The following CDH12 variants were observed in gnomAD, a reference collection of about 807,000 sequenced individuals.
The protein encoded by CDH12 is cadherin 12.
In CDH12, 41 loss-of-function variants were observed where a neutral mutation model predicts 74.1. That is an observed-to-expected ratio of 0.55 (90% CI 0.43 to 0.72). CDH12 has a LOEUF of 0.72. Among genes scored for constraint, CDH12 ranks in the 30% least tolerant of loss-of-function variants. The pLI is 0.00. For synonymous variants in CDH12, 399 were observed against 355.0 expected (o/e 1.12, Z -1.39); for missense variants, 945 against 977.2 (o/e 0.97, Z 0.44).
chr5:22,757,943 G>C (rs972943636), intron 1 of CDH12, among the ~76,000 whole-genome samples: 7 of 152,158 alleles, frequency 4.6e-5, no homozygotes, highest in African/African-American at 1.4e-4. Flanking sequence ...AAGTGGGGAG[G>C]GGTATAGAAA....
intron 3 of CDH12, among the ~76,000 whole-genome samples, chr5:22,315,119 C>CATT (rs565487368): frequency 4.3e-5 from 1 of 22,994 alleles, no homozygotes; most frequent in African/African-American, 2.2e-4. Context: ...GCCTGCCTGG[C>CATT]TTTTTTTTTT....
chr5:22,004,945 C>A (rs983921567), intron 5 of CDH12, among the ~76,000 whole-genome samples: 10 of 152,168 alleles, frequency 6.6e-5, no homozygotes, highest in Non-Finnish European at 1.2e-4. Context: ...TGGCCTCCAG[C>A]TCTATCTGTG....
intron 6 of CDH12, among the ~76,000 whole-genome samples, chr5:21,856,744 T>C (rs1420900836): frequency 1.3e-5 from 2 of 151,974 alleles, no homozygotes; most frequent in Non-Finnish European, 1.5e-5. Context: ...AAATACTTCA[T>C]TAATGCATCG....
intron 1 of CDH12, among the ~76,000 whole-genome samples, chr5:22,660,437 C>A (rs560085709): frequency 9.8e-5 from 15 of 152,318 alleles, no homozygotes; most frequent in Non-Finnish European, 1.9e-4. Context: ...CGTTTAATCT[C>A]TCTTATCGGT....
chr5:21,860,036 T>C (rs1243419682), intron 6 of CDH12, among the ~76,000 whole-genome samples: 1 of 151,678 alleles, frequency 6.6e-6, no homozygotes, highest in East Asian at 1.9e-4. Flanking sequence ...CATGACCTGC[T>C]GAGGTGCTTG....
chr5:21,834,145 T>C (rs1214934080), intron 8 of CDH12, among the ~76,000 whole-genome samples: 2 of 151,158 alleles, frequency 1.3e-5, no homozygotes, highest in East Asian at 1.9e-4. Flanking sequence ...TAGCTTTTTG[T>C]TTAACATTTT....
At chr5:22,559,496 T>C (rs887897345) in intron 1 of CDH12, among the ~76,000 whole-genome samples, 19 of 152,192 alleles carry the variant, frequency 1.2e-4, no homozygotes, top group African/African-American at 4.1e-4. Context: ...TACAAAATTA[T>C]GTAAGCCATT....
intron 8 of CDH12, among the ~76,000 whole-genome samples, chr5:21,841,559 G>C (rs1282500912): frequency 1.1e-4 from 17 of 148,442 alleles, no homozygotes; most frequent in East Asian, 6.0e-4. Flanking sequence ...ACATGCACAC[G>C]TATGTTTATT....
intron 5 of CDH12, among the ~76,000 whole-genome samples, chr5:22,038,256 C>A (rs1398191878): frequency 6.6e-6 from 1 of 152,148 alleles, no homozygotes; most frequent in East Asian, 1.9e-4. Context: ...TGGCCCAACA[C>A]CCCCAAGCTA....
At chr5:22,355,538 A>G (rs1009449777) in intron 3 of CDH12, among the ~76,000 whole-genome samples, 30 of 149,984 alleles carry the variant, frequency 2.0e-4, no homozygotes, top group East Asian at 7.8e-4. Context: ...ATATATATAT[A>G]TATAAAACTA....
At chr5:22,037,645 A>T (rs150033972) in intron 5 of CDH12, among the ~76,000 whole-genome samples, 1,668 of 152,322 alleles carry the variant, frequency 0.011, 31 homozygotes, top group African/African-American at 0.036. Context: ...GCTATAGGCA[A>T]CTAATGAACC....
At chr5:22,418,378 C>G (rs1743491040) in intron 2 of CDH12, among the ~76,000 whole-genome samples, 1 of 152,166 alleles carries the variant, frequency 6.6e-6, no homozygotes, top group Non-Finnish European at 1.5e-5. Context: ...AATATACAAT[C>G]ATGTCATCTG....
chr5:22,696,097 G>C (rs528287408), intron 1 of CDH12, among the ~76,000 whole-genome samples: 1 of 151,984 alleles, frequency 6.6e-6, no homozygotes, highest in South Asian at 2.1e-4. Flanking sequence ...AGCTGGGCGC[G>C]GTGGCTCATG....
intron 3 of CDH12, among the ~76,000 whole-genome samples, chr5:22,335,762 G>T (rs928830536): frequency 5.3e-5 from 8 of 151,974 alleles, no homozygotes; most frequent in African/African-American, 1.5e-4. Context: ...TTTGTAAATT[G>T]TCCAGTCTTG....
intron 1 of CDH12, among the ~76,000 whole-genome samples, chr5:22,848,205 A>G (rs577156021): frequency 4.9e-4 from 74 of 152,306 alleles, no homozygotes; most frequent in African/African-American, 1.7e-3. Context: ...TATGATGGCA[A>G]AACTTTCATC....
intron 5 of CDH12, among the ~76,000 whole-genome samples, chr5:22,070,430 T>C (rs553001454): frequency 3.0e-4 from 45 of 152,266 alleles, no homozygotes; most frequent in African/African-American, 1.0e-3. Context: ...GTTTCTGTGT[T>C]CTTTGGATAA....
At chr5:22,295,545 G>T (rs1412534331) in intron 3 of CDH12, among the ~76,000 whole-genome samples, 1 of 152,068 alleles carries the variant, frequency 6.6e-6, no homozygotes, top group Admixed American at 6.6e-5. Context: ...ACCAATGCCT[G>T]GGGGAATATG....
At chr5:21,817,677 C>T (rs894927097) in intron 8 of CDH12, among the ~76,000 whole-genome samples, 1 of 151,828 alleles carries the variant, frequency 6.6e-6, no homozygotes, top group East Asian at 1.9e-4. Flanking sequence ...AAATTCTAGT[C>T]GATGATAGAT....
intron 1 of CDH12, among the ~76,000 whole-genome samples, chr5:22,740,867 A>T (rs191874855): frequency 6.6e-6 from 1 of 152,278 alleles, no homozygotes; most frequent in Admixed American, 6.5e-5. Flanking sequence ...TTCTTGTGAG[A>T]AAGGCAATAT....
Sources: gnomAD v4.1 joint callset for allele counts (sites outside exome capture counted in the v4.1 genomes callset) on GRCh38, gnomAD v4.1.1 for gene constraint, MANE v1.5 for transcripts, NCBI Gene and HGNC (gene_info 2026-07-23, HGNC 2026-07-21) for gene names.